Variants in EYA4 observed in about 807,000 individuals in gnomAD.
The protein encoded by EYA4 is protein phosphatase EYA4.
A neutral mutation model predicts 87.9 loss-of-function variants in EYA4; 31 were observed. The ratio of observed to expected loss-of-function variants is 0.35; its 90% confidence interval spans 0.27 to 0.48. The LOEUF (loss-of-function observed/expected upper bound fraction) is 0.48. EYA4 is among the 20% of genes least tolerant of loss of function. The probability of loss-of-function intolerance (pLI) is 0.99; values close to 1 mark genes in which losing one functional copy is unlikely to be tolerated. For synonymous variants in EYA4, 263 were observed against 270.6 expected (o/e 0.97, Z 0.28); for missense variants, 678 against 761.4 (o/e 0.89, Z 1.29).
At chr6:133,387,466 G>T (rs212813) in intron 3 of EYA4, among the ~76,000 whole-genome samples, 129,390 of 152,140 alleles carry the variant, frequency 0.85, 56,237 homozygotes, top group Non-Finnish European at 0.94. Flanking sequence ...AACCTGGAAG[G>T]TTGGAATATA....
chr6:133,271,829 C>T (rs1230717162), intron 1 of EYA4, among the ~76,000 whole-genome samples: 2 of 152,084 alleles, frequency 1.3e-5, no homozygotes, highest in Non-Finnish European at 2.9e-5. Flanking sequence ...AATGGGTCAT[C>T]CTATCCACTT....
intron 2 of EYA4, among the ~76,000 whole-genome samples, chr6:133,327,832 T>C (rs772967674): frequency 1.3e-5 from 2 of 152,174 alleles, no homozygotes; most frequent in Non-Finnish European, 2.9e-5. Context: ...AAATGATAGA[T>C]GCTTAAAAGA....
chr6:133,311,231 C>G (rs1180625981), intron 2 of EYA4, among the ~76,000 whole-genome samples: 1 of 152,182 alleles, frequency 6.6e-6, no homozygotes, highest in African/African-American at 2.4e-5. Context: ...ATGGTAGTTG[C>G]TTCTGGCAGT....
intron 2 of EYA4, among the ~76,000 whole-genome samples, chr6:133,380,434 G>A (rs1014203013): frequency 3.9e-5 from 6 of 152,086 alleles, no homozygotes; most frequent in South Asian, 2.1e-4. Flanking sequence ...TTGGAAAGCC[G>A]TGGGTGTTAA....
At chr6:133,315,909 G>C (rs1267421932) in intron 2 of EYA4, among the ~76,000 whole-genome samples, 1 of 152,182 alleles carries the variant, frequency 6.6e-6, no homozygotes, top group African/African-American at 2.4e-5. Context: ...AAAAGGGGGT[G>C]ATGTAAAATC....
intron 3 of EYA4, among the ~76,000 whole-genome samples, chr6:133,407,804 GA>G (rs1465226711): frequency 6.6e-6 from 1 of 152,016 alleles, no homozygotes; most frequent in Non-Finnish European, 1.5e-5. Context: ...ATTTCTTATT[GA>G]AACCAACTCA....
intron 1 of EYA4, among the ~76,000 whole-genome samples, chr6:133,243,267 G>T (rs1774122978): frequency 6.6e-6 from 1 of 152,178 alleles, no homozygotes; most frequent in Non-Finnish European, 1.5e-5. Context: ...TCACATTAAG[G>T]GCTCATACTT....
chr6:133,347,589 A>G (rs1256911476), intron 2 of EYA4, among the ~76,000 whole-genome samples: 1 of 152,210 alleles, frequency 6.6e-6, no homozygotes, highest in Non-Finnish European at 1.5e-5. Flanking sequence ...GTGTCTAGTA[A>G]CAATTATTGC....
chr6:133,482,020 T>C (rs1220312718), intron 12 of EYA4, among the ~76,000 whole-genome samples: 3 of 152,226 alleles, frequency 2.0e-5, no homozygotes, highest in African/African-American at 7.2e-5. Context: ...AAAATTCATC[T>C]TCTAAAAATA....
intron 13 of EYA4, among the ~76,000 whole-genome samples, chr6:133,493,451 G>T (rs1401712695): frequency 2.0e-5 from 3 of 152,014 alleles, no homozygotes; most frequent in African/African-American, 7.2e-5. Flanking sequence ...AAATCAAAAT[G>T]GACTAAAGAC....
chr6:133,245,530 G>T (rs921153772), intron 1 of EYA4, among the ~76,000 whole-genome samples: 4 of 152,164 alleles, frequency 2.6e-5, no homozygotes, highest in Non-Finnish European at 5.9e-5. Flanking sequence ...CTAGGTGAAG[G>T]AAATCAACAC....
At chr6:133,364,566 A>T (rs1023507979) in intron 2 of EYA4, among the ~76,000 whole-genome samples, 8 of 152,234 alleles carry the variant, frequency 5.3e-5, no homozygotes, top group Non-Finnish European at 1.2e-4. Flanking sequence ...TTGTATGTAC[A>T]GGGAGTTACT....
At chr6:133,481,651 T>G (rs1423893911) in intron 12 of EYA4, 52 bp downstream of exon 12, 1 of 1,574,770 alleles carries the variant, frequency 6.4e-7, no homozygotes, top group Non-Finnish European at 8.7e-7. Context: ...TTTTACCGAA[T>G]GATACATTCT....
chr6:133,277,483 A>G (rs541733416), intron 2 of EYA4, among the ~76,000 whole-genome samples: 17 of 152,330 alleles, frequency 1.1e-4, no homozygotes, highest in African/African-American at 4.1e-4. Context: ...TTCCTCCTCT[A>G]TGGAGTGGAA....
At chr6:133,302,709 T>TC (rs1300491124) in intron 2 of EYA4, among the ~76,000 whole-genome samples, 2 of 152,216 alleles carry the variant, frequency 1.3e-5, no homozygotes, top group African/African-American at 4.8e-5. Flanking sequence ...AAAGTTAAGA[T>TC]CTTAAATCTT....
At chr6:133,439,214 C>T (rs1215711336) in intron 3 of EYA4, 1 of 152,024 alleles carries the variant, frequency 6.6e-6, no homozygotes, top group African/African-American at 2.4e-5. Context: ...TCTTGGATTT[C>T]ACATCTCTTT....
chr6:133,500,788 G>A (rs1178588025), intron 13 of EYA4, among the ~76,000 whole-genome samples: 11 of 151,988 alleles, frequency 7.2e-5, no homozygotes, highest in Non-Finnish European at 4.4e-5. Flanking sequence ...CATCACCATC[G>A]TATCTGCTGT....
At chr6:133,269,461 A>G (rs1451920352) in intron 1 of EYA4, among the ~76,000 whole-genome samples, 1 of 152,134 alleles carries the variant, frequency 6.6e-6, no homozygotes, top group Non-Finnish European at 1.5e-5. Flanking sequence ...TACATGTGTT[A>G]TTATTATTTT....
At chr6:133,258,477 C>T (rs1392893064) in intron 1 of EYA4, among the ~76,000 whole-genome samples, 1 of 152,086 alleles carries the variant, frequency 6.6e-6, no homozygotes, top group South Asian at 2.1e-4. Context: ...ATTTTTTGAT[C>T]GAACTGCTGG....
Sources: allele counts gnomAD v4.1 joint callset (sites outside exome capture counted in the v4.1 genomes callset), GRCh38; gene constraint gnomAD v4.1.1; transcripts MANE v1.5; gene names NCBI Gene and HGNC (gene_info 2026-07-23, HGNC 2026-07-21).